Variants in CPED1 observed in about 807,000 individuals in gnomAD.
CPED1 encodes cadherin-like and PC-esterase domain-containing protein 1.
CPED1 carries 114 observed loss-of-function variants against 128.2 expected under a neutral mutation model. That is an observed-to-expected ratio of 0.89 (90% CI 0.76 to 1.04). The LOEUF (loss-of-function observed/expected upper bound fraction) is 1.04, where lower values mean the gene tolerates loss of function less well. CPED1 is among the 50% of genes least tolerant of loss of function. The pLI, the probability that CPED1 is intolerant of heterozygous loss-of-function variation, is 0.00. For missense variants in CPED1, 1,211 were observed against 1,207.1 expected (o/e 1.00, Z -0.05); for synonymous variants, 462 against 426.7 (o/e 1.08, Z -1.02).
chr7:121,159,984 G>A (rs1037039234), intron 16 of CPED1, among the ~76,000 whole-genome samples: 2 of 152,008 alleles, frequency 1.3e-5, no homozygotes, highest in African/African-American at 2.4e-5. Flanking sequence ...CATTTATGGG[G>A]TATTTTTGCA....
intron 16 of CPED1, among the ~76,000 whole-genome samples, chr7:121,193,673 A>G (rs147406055): frequency 6.6e-6 from 1 of 152,130 alleles, no homozygotes; most frequent in Non-Finnish European, 1.5e-5. Context: ...ATGTGTTAGT[A>G]GGTGCAGAGC....
chr7:121,123,354 T>C (rs1164691160), intron 7 of CPED1, among the ~76,000 whole-genome samples: 3 of 152,174 alleles, frequency 2.0e-5, no homozygotes, highest in East Asian at 3.8e-4. Context: ...TTCTTTATCA[T>C]AGCAACAAAA....
intron 5 of CPED1, 116 bp downstream of exon 5, chr7:121,064,429 G>A: frequency 1.4e-6 from 1 of 694,352 alleles, no homozygotes; most frequent in Non-Finnish European, 2.5e-6. Context: ...TATCAATTCG[G>A]CAATCACAGA....
chr7:121,292,101 T>A (rs1158881089), intron 22 of CPED1, among the ~76,000 whole-genome samples: 1 of 152,012 alleles, frequency 6.6e-6, no homozygotes, highest in Non-Finnish European at 1.5e-5. Context: ...TCCTGGAGAG[T>A]GTTTTCCAAG....
intron 14 of CPED1, among the ~76,000 whole-genome samples, chr7:121,140,122 AG>A: frequency 6.6e-6 from 1 of 152,192 alleles, no homozygotes; most frequent in Admixed American, 6.6e-5. Context: ...ACTGAAATAA[AG>A]CTGTAAATAA....
chr7:121,064,110 T>C, intron 4 of CPED1, 128 bp from the exon 5 acceptor site: 2 of 593,452 alleles, frequency 3.4e-6, no homozygotes, highest in South Asian at 4.8e-5. Flanking sequence ...TGCAGAGATT[T>C]GAAGGTGGGG....
At chr7:121,126,616 C>T (rs1258806339) in intron 9 of CPED1, among the ~76,000 whole-genome samples, 1 of 151,990 alleles carries the variant, frequency 6.6e-6, no homozygotes, top group Non-Finnish European at 1.5e-5. Context: ...AACTATTATT[C>T]CGGTAAGCCA....
intron 18 of CPED1, among the ~76,000 whole-genome samples, chr7:121,253,271 A>G (rs1798727906): frequency 7.6e-6 from 1 of 132,228 alleles, no homozygotes; most frequent in African/African-American, 2.9e-5. Context: ...ATGAGAACAT[A>G]TGGACACAGG....
intron 5 of CPED1, among the ~76,000 whole-genome samples, chr7:121,094,495 TC>T (rs1325588091): frequency 3.9e-5 from 6 of 152,338 alleles, no homozygotes; most frequent in South Asian, 2.1e-4. Context: ...ATGATTTTGT[TC>T]TCTAACCATA....
At chr7:121,133,930 A>C (rs1795730155) in intron 13 of CPED1, 37 bp downstream of exon 13, 2 of 1,293,998 alleles carry the variant, frequency 1.5e-6, no homozygotes, top group African/African-American at 3.0e-5. Context: ...TTCAACATAA[A>C]AATAAGTATT....
intron 2 of CPED1, among the ~76,000 whole-genome samples, chr7:121,009,737 T>C (rs1792113875): frequency 6.6e-6 from 1 of 152,098 alleles, no homozygotes. Flanking sequence ...CATTTTATAA[T>C]TTCAGGGGAG....
At chr7:121,055,095 A>C (rs1793460108) in intron 4 of CPED1, among the ~76,000 whole-genome samples, 2 of 152,124 alleles carry the variant, frequency 1.3e-5, no homozygotes, top group Non-Finnish European at 2.9e-5. Context: ...CTGTTTATTC[A>C]TTCAAAAGTT....
intron 2 of CPED1, among the ~76,000 whole-genome samples, chr7:121,012,786 G>A (rs1353483282): frequency 2.6e-5 from 4 of 152,090 alleles, no homozygotes; most frequent in Admixed American, 6.5e-5. Context: ...TCTGAGATGT[G>A]GGTTAAAATT....
chr7:121,181,353 A>T lies in CPED1; in HGVS notation c.2055+39212A>T, dbSNP rs551654761. Among the ~76,000 whole-genome samples the T allele has an allele frequency of 3.9e-5, 6 of 152,256 alleles. No homozygotes were observed. The South Asian group carries it at 1.2e-3, about 31-fold the overall frequency. ...AAATACCCTGTAACTTGAAGTTTCCAGTAGCTAAAATTTTGAAATATTTAC... is the reference window on the plus strand; with the variant it reads ...AAATACCCTGTAACTTGAAGTTTCCTGTAGCTAAAATTTTGAAATATTTAC... On this transcript the variant is annotated intron_variant, in intron 16 of 22. Coordinates refer to ENST00000310396, the MANE Select transcript of CPED1 (RefSeq NM_024913.5).
intron 22 of CPED1, among the ~76,000 whole-genome samples, chr7:121,292,884 C>T (rs1476875952): frequency 6.6e-6 from 1 of 152,178 alleles, no homozygotes; most frequent in Non-Finnish European, 1.5e-5. Flanking sequence ...CTGCTCATTC[C>T]TCTGGAAGCT....
chr7:121,110,581 A>G (rs552497307), intron 7 of CPED1, among the ~76,000 whole-genome samples: 10 of 152,300 alleles, frequency 6.6e-5, no homozygotes, highest in African/African-American at 2.4e-4. Flanking sequence ...GAGTCTTCAC[A>G]TATTCAGAGA....
intron 16 of CPED1, among the ~76,000 whole-genome samples, chr7:121,217,024 C>T (rs188691229): frequency 6.6e-6 from 1 of 151,608 alleles, no homozygotes; most frequent in Admixed American, 6.6e-5. Flanking sequence ...GAGAATATTC[C>T]CTAATTGAGA....
chr7:121,076,384 G>A (rs1794125350), intron 5 of CPED1, among the ~76,000 whole-genome samples: 1 of 152,160 alleles, frequency 6.6e-6, no homozygotes, highest in South Asian at 2.1e-4. Context: ...TAGAAAGATA[G>A]TAACAGCTTT....
intron 5 of CPED1, among the ~76,000 whole-genome samples, chr7:121,096,408 A>G (rs756193624): frequency 1.3e-5 from 2 of 152,182 alleles, no homozygotes; most frequent in Non-Finnish European, 2.9e-5. Flanking sequence ...GATAAATTAT[A>G]TAATTAAAAA....
Sources: allele counts gnomAD v4.1 joint callset (sites outside exome capture counted in the v4.1 genomes callset), GRCh38; gene constraint gnomAD v4.1.1; transcripts MANE v1.5; gene names NCBI Gene and HGNC (gene_info 2026-07-23, HGNC 2026-07-21).